BMAL1: variants seen among roughly 807,000 people sequenced by gnomAD.
The protein encoded by BMAL1 is basic helix-loop-helix ARNT-like protein 1.
chr11:13,335,996 CAA>C, the BMAL1 span, among the ~76,000 whole-genome samples: 93 of 151,766 alleles, frequency 6.1e-4, no homozygotes, highest in African/African-American at 2.1e-3. Flanking sequence ...TATGAAAGAG[CAA>C]GAGAGAGAGA....
chr11:13,293,426 T>C, the BMAL1 span, among the ~76,000 whole-genome samples: 1 of 152,246 alleles, frequency 6.6e-6, no homozygotes, highest in Non-Finnish European at 1.5e-5. Context: ...TGGCCTTTCC[T>C]GCCTCCCAGG....
At chr11:13,278,285 G>A in the BMAL1 span, among the ~76,000 whole-genome samples, 1 of 152,226 alleles carries the variant, frequency 6.6e-6, no homozygotes. Flanking sequence ...CTGGCGGGGG[G>A]AGGGGGCAGC....
At chr11:13,282,144 G>A in the BMAL1 span, among the ~76,000 whole-genome samples, 1 of 152,144 alleles carries the variant, frequency 6.6e-6, no homozygotes, top group Non-Finnish European at 1.5e-5. Context: ...CATTCCCCAG[G>A]CTGTCCTAAA....
chr11:13,278,993 G>T, the BMAL1 span, among the ~76,000 whole-genome samples: 94,177 of 151,978 alleles, frequency 0.62, 30,071 homozygotes, highest in Non-Finnish European at 0.7. Context: ...CAGGAGCTGG[G>T]GAGGGAAGGG....
the BMAL1 span, among the ~76,000 whole-genome samples, chr11:13,297,163 C>A: frequency 2.0e-5 from 3 of 152,236 alleles, no homozygotes; most frequent in African/African-American, 7.2e-5. Context: ...AATGGCTCCC[C>A]TCTCTGGCTT....
the BMAL1 span, among the ~76,000 whole-genome samples, chr11:13,316,008 G>T: frequency 6.6e-6 from 1 of 152,198 alleles, no homozygotes; most frequent in Non-Finnish European, 1.5e-5. Flanking sequence ...CCTTGTTAAG[G>T]TCTGTTCCTT....
the BMAL1 span, among the ~76,000 whole-genome samples, chr11:13,332,502 T>C: frequency 2.6e-5 from 4 of 152,238 alleles, no homozygotes; most frequent in African/African-American, 9.6e-5. Flanking sequence ...ATTTCATTTT[T>C]TTCTTGGATC....
At chr11:13,364,607 G>C in the BMAL1 span, among the ~76,000 whole-genome samples, 1 of 152,130 alleles carries the variant, frequency 6.6e-6, no homozygotes, top group Non-Finnish European at 1.5e-5. Flanking sequence ...CCTTGTCACC[G>C]GAAGACCCCA....
At chr11:13,375,520 G>GC in the BMAL1 span, 7 of 1,112,716 alleles carry the variant, frequency 6.3e-6, no homozygotes, top group Non-Finnish European at 8.6e-6. Context: ...TGTCGTTGGA[G>GC]CTCAAGTACC....
chr11:13,279,531 T>C, the BMAL1 span, among the ~76,000 whole-genome samples: 2 of 152,234 alleles, frequency 1.3e-5, no homozygotes, highest in African/African-American at 4.8e-5. Context: ...TAATCATTGC[T>C]GCTCCTGAGC....
the BMAL1 span, among the ~76,000 whole-genome samples, chr11:13,362,289 C>A: frequency 6.6e-6 from 1 of 152,196 alleles, no homozygotes; most frequent in Non-Finnish European, 1.5e-5. Context: ...GCCTCCTCCC[C>A]CTTCTCTCCT....
At chr11:13,308,035 A>G in the BMAL1 span, among the ~76,000 whole-genome samples, 1 of 152,174 alleles carries the variant, frequency 6.6e-6, no homozygotes, top group African/African-American at 2.4e-5. Flanking sequence ...CAGGGCACCA[A>G]TTAGGAGACT....
At chr11:13,340,411 T>G in the BMAL1 span, among the ~76,000 whole-genome samples, 1 of 152,198 alleles carries the variant, frequency 6.6e-6, no homozygotes, top group East Asian at 1.9e-4. Context: ...GCTCCAAAAT[T>G]CTGTTATTCA....
the BMAL1 span, among the ~76,000 whole-genome samples, chr11:13,299,330 G>T: frequency 6.6e-6 from 1 of 152,208 alleles, no homozygotes; most frequent in Non-Finnish European, 1.5e-5. Flanking sequence ...TAATACCCAT[G>T]TGTTCAGAGG....
the BMAL1 span, chr11:13,365,535 C>A: frequency 6.2e-7 from 1 of 1,613,690 alleles, no homozygotes; most frequent in Non-Finnish European, 8.5e-7. Context: ...TAGGATGTGA[C>A]CGAGGGAAGA....
At chr11:13,294,522 A>G in the BMAL1 span, among the ~76,000 whole-genome samples, 1 of 152,180 alleles carries the variant, frequency 6.6e-6, no homozygotes, top group Non-Finnish European at 1.5e-5. Context: ...TGGACTATAA[A>G]CTGTCACACT....
the BMAL1 span, chr11:13,354,333 T>A: frequency 1.1e-5 from 18 of 1,612,536 alleles, 1 homozygote; most frequent in East Asian, 1.6e-4. Flanking sequence ...AATGGACATT[T>A]CTTCAACCAT....
chr11:13,287,561 A>G, the BMAL1 span, among the ~76,000 whole-genome samples: 2 of 152,234 alleles, frequency 1.3e-5, no homozygotes, highest in Non-Finnish European at 2.9e-5. Flanking sequence ...AAGTGAATTC[A>G]GCTTTGGATA....
At chr11:13,355,406 G>A in the BMAL1 span, 32 of 1,068,778 alleles carry the variant, frequency 3.0e-5, no homozygotes, top group South Asian at 2.4e-4. Context: ...GAAAGACTGC[G>A]AGATGTTGGC....
Sources: gnomAD v4.1 joint callset for allele counts (sites outside exome capture counted in the v4.1 genomes callset) on GRCh38, gnomAD v4.1.1 for gene constraint, MANE v1.5 for transcripts, NCBI Gene and HGNC (gene_info 2026-07-23, HGNC 2026-07-21) for gene names.